RORA: variants seen among roughly 807,000 people sequenced by gnomAD.
RORA encodes nuclear receptor ROR-alpha.
RORA carries 7 observed loss-of-function variants against 69.5 expected under a neutral mutation model. The observed-to-expected ratio is 0.10, with a 90% CI of 0.06 to 0.19. The LOEUF is 0.19. Ranked by LOEUF, RORA falls within the 10% of genes least tolerant of loss-of-function variation. RORA has a pLI of 1.00. For synonymous variants in RORA, 261 were observed against 240.8 expected (o/e 1.08, Z -0.78); for missense variants, 457 against 663.0 (o/e 0.69, Z 3.41).
intron 7 of RORA, 152 bp from the exon 8 acceptor site, chr15:60,503,019 A>T: frequency 1.4e-6 from 1 of 712,726 alleles, no homozygotes; most frequent in Non-Finnish European, 2.5e-6. Context: ...TCAGCTGTCT[A>T]TCCAAAAGGG....
At chr15:60,527,741 G>A (rs1364375959) in intron 3 of RORA, among the ~76,000 whole-genome samples, 1 of 152,208 alleles carries the variant, frequency 6.6e-6, no homozygotes, top group Non-Finnish European at 1.5e-5. Flanking sequence ...TTGGCATAAT[G>A]GAGTCCTTAA....
At chr15:60,800,037 T>C (rs1299221720) in intron 1 of RORA, among the ~76,000 whole-genome samples, 3 of 152,270 alleles carry the variant, frequency 2.0e-5, no homozygotes, top group Non-Finnish European at 2.9e-5. Flanking sequence ...CCTGCAGCCA[T>C]GTGCTACACC....
chr15:60,802,456 A>G (rs1029264240), intron 1 of RORA, among the ~76,000 whole-genome samples: 13 of 152,130 alleles, frequency 8.5e-5, no homozygotes, highest in Non-Finnish European at 1.5e-4. Context: ...TCTCCTAAAT[A>G]CTTCATGAGG....
intron 2 of RORA, among the ~76,000 whole-genome samples, chr15:60,567,243 A>G (rs546902917): frequency 2.0e-5 from 3 of 151,244 alleles, no homozygotes; most frequent in African/African-American, 7.3e-5. Flanking sequence ...AAACGGCGAC[A>G]GAGCCAAGGG....
chr15:60,948,734 C>A (rs1254745736), intron 1 of RORA, among the ~76,000 whole-genome samples: 1 of 152,156 alleles, frequency 6.6e-6, no homozygotes, highest in East Asian at 1.9e-4. Context: ...CAATTCTAGC[C>A]CTAGATTCTT....
intron 2 of RORA, among the ~76,000 whole-genome samples, chr15:60,625,031 C>T (rs776476018): frequency 1.3e-5 from 2 of 152,174 alleles, no homozygotes; most frequent in African/African-American, 4.8e-5. Context: ...TGCCCAAGAA[C>T]TACTTTTCTT....
At chr15:61,191,367 A>C (rs1250109007) in intron 1 of RORA, among the ~76,000 whole-genome samples, 1 of 764 alleles carries the variant, frequency 1.3e-3, no homozygotes, top group Non-Finnish European at 0.028. Context: ...CCTTGTAGCA[A>C]AAAAAAAAAA....
intron 2 of RORA, among the ~76,000 whole-genome samples, chr15:60,560,130 T>A (rs1353359192): frequency 1.3e-5 from 2 of 152,198 alleles, no homozygotes; most frequent in Non-Finnish European, 2.9e-5. Flanking sequence ...TATGAGATTG[T>A]ATTAAATTTA....
intron 1 of RORA, among the ~76,000 whole-genome samples, chr15:61,019,822 T>C (rs1595882802): frequency 6.6e-6 from 1 of 152,192 alleles, no homozygotes; most frequent in Admixed American, 6.5e-5. Flanking sequence ...CAATGGCTGG[T>C]CACTGACGGG....
At chr15:61,130,768 C>G (rs549981239) in intron 1 of RORA, among the ~76,000 whole-genome samples, 10 of 152,306 alleles carry the variant, frequency 6.6e-5, no homozygotes, top group Non-Finnish European at 1.0e-4. Flanking sequence ...AAAATCCACT[C>G]TAGAATGGGT....
intron 1 of RORA, among the ~76,000 whole-genome samples, chr15:60,879,891 T>C (rs1441262219): frequency 6.6e-6 from 1 of 152,240 alleles, no homozygotes; most frequent in African/African-American, 2.4e-5. Context: ...CATTTTAGAA[T>C]GCTGTTTCCT....
At position 60,505,571 on chromosome 15, in the gene RORA, T is replaced by G. The variant is rs923100200; in HGVS notation, c.879A>C (p.Glu293Asp). 6.2e-7 allele frequency: 1 copy of G among 1,613,848 alleles called. No homozygotes were observed. The highest frequency in any genetic ancestry group is 8.5e-7 in the Non-Finnish European group (1 of 1,179,740). The change falls in exon 6 of 11, where the codon GAA becomes GAC. Residue 293 changes from glutamate (E) to aspartate (D), a missense_variant. Around this residue, in one of 3 missense-constraint regions of RORA, gnomAD observed 304 missense variants for 447.4 expected, o/e 0.68. Transcript: ENST00000335670. ...SHLETCQYLR[E>D]ELQQITWQTF... ...TCTGCCACGTTATCTGCTGGAGCTC[T>G]TCTCTCAAGTATTGGCAGGTTTCCA...
chr15:60,545,446 C>T (rs1168177834), intron 2 of RORA, among the ~76,000 whole-genome samples: 1 of 152,152 alleles, frequency 6.6e-6, no homozygotes, highest in Non-Finnish European at 1.5e-5. Flanking sequence ...CTATTGAAGC[C>T]AGTTTCTTGT....
At chr15:61,079,321 T>C (rs1415905834) in intron 1 of RORA, among the ~76,000 whole-genome samples, 1 of 152,192 alleles carries the variant, frequency 6.6e-6, no homozygotes, top group Non-Finnish European at 1.5e-5. Flanking sequence ...ATAGATCAAT[T>C]AAGGAGATTT....
intron 1 of RORA, among the ~76,000 whole-genome samples, chr15:60,812,466 T>C (rs570690888): frequency 2.0e-5 from 3 of 152,294 alleles, no homozygotes; most frequent in African/African-American, 4.8e-5. Context: ...GCCATGATCA[T>C]GCCACTGCAC....
chr15:60,490,452 A>G lies in RORA; in HGVS notation c.*7003T>C, dbSNP rs1176929965. ...TATAATATAACATTTTCTTATCTAT[A>G]CAGAATGAAAGCCAAAAAGTTAACT... On this transcript the variant is annotated 3_prime_UTR_variant, in exon 11 of 11. Transcript: ENST00000335670. The surrounding 1 kb of genome is among the most constrained non-coding windows in gnomAD (Gnocchi z 4.1). 1 of 152,166 alleles carries G rather than the reference A, an allele frequency of 6.6e-6. No individual in the cohort carries two copies. Among genetic ancestry groups the G allele is most frequent in the Non-Finnish European group, 1.5e-5 (1 of 67,992 alleles). The allele number at this position is 152,166 out of a possible 1,614,324, so 9.4% of individuals were successfully genotyped here.
chr15:60,733,415 A>C (rs1258297649), intron 1 of RORA, among the ~76,000 whole-genome samples: 1 of 152,210 alleles, frequency 6.6e-6, no homozygotes, highest in Non-Finnish European at 1.5e-5. Context: ...GGGCTGAGGC[A>C]ACTCATGTCA....
chr15:60,861,705 G>A (rs879538865), intron 1 of RORA, among the ~76,000 whole-genome samples: 3 of 152,142 alleles, frequency 2.0e-5, no homozygotes, highest in Admixed American at 6.6e-5. Flanking sequence ...TCCAAGGAAC[G>A]AGATGTCCCT....
At chr15:61,076,569 C>A (rs1404161098) in intron 1 of RORA, among the ~76,000 whole-genome samples, 1 of 152,208 alleles carries the variant, frequency 6.6e-6, no homozygotes, top group Admixed American at 6.5e-5. Context: ...TATAAGAAAT[C>A]CCACTGAATA....
Sources: gnomAD v4.1 joint callset for allele counts (sites outside exome capture counted in the v4.1 genomes callset) on GRCh38, gnomAD v4.1.1 for gene constraint, gnomAD v4.1.1 regional missense constraint, Gnocchi (gnomAD v3.1) non-coding constraint, MANE v1.5 for transcripts, NCBI Gene and HGNC (gene_info 2026-07-23, HGNC 2026-07-21) for gene names.